Variants in GRID2 observed in about 807,000 individuals in gnomAD.
GRID2 encodes glutamate receptor ionotropic, delta-2.
Under a neutral mutation model 114.8 loss-of-function variants are expected in GRID2, and 33 were observed. The observed-to-expected ratio is 0.29, with a 90% CI of 0.22 to 0.38. The LOEUF is 0.38. Among genes scored for constraint, GRID2 ranks in the 10% least tolerant of loss-of-function variants. The probability of loss-of-function intolerance (pLI) is 1.00; values close to 1 mark genes in which losing one functional copy is unlikely to be tolerated. For missense variants in GRID2, 1,184 were observed against 1,257.7 expected (o/e 0.94, Z 0.89); for synonymous variants, 505 against 449.9 (o/e 1.12, Z -1.55).
intron 2 of GRID2, among the ~76,000 whole-genome samples, chr4:92,644,554 G>T (rs1053468177): frequency 6.6e-6 from 1 of 151,750 alleles, no homozygotes; most frequent in African/African-American, 2.4e-5. Context: ...TAATCGTTCA[G>T]CTTTTTGTCT....
intron 1 of GRID2, among the ~76,000 whole-genome samples, chr4:92,466,350 T>G (rs1721751160): frequency 6.6e-6 from 1 of 151,848 alleles, no homozygotes; most frequent in South Asian, 2.1e-4. Flanking sequence ...TTAAAACTAT[T>G]TTTCTTTTTC....
chr4:93,364,252 CAT>C (rs902759613), intron 8 of GRID2, among the ~76,000 whole-genome samples: 19 of 152,064 alleles, frequency 1.2e-4, no homozygotes, highest in South Asian at 6.2e-4. Context: ...TGCTTAGACA[CAT>C]GTGGAAAAAT....
At chr4:93,703,106 A>C (rs1276472978) in intron 14 of GRID2, among the ~76,000 whole-genome samples, 7 of 152,138 alleles carry the variant, frequency 4.6e-5, no homozygotes, top group Non-Finnish European at 8.8e-5. Context: ...AATTTGTCTC[A>C]TTAGGATTTT....
At chr4:92,498,890 C>G (rs1479132658) in intron 1 of GRID2, among the ~76,000 whole-genome samples, 4 of 146,228 alleles carry the variant, frequency 2.7e-5, no homozygotes, top group Non-Finnish European at 6.0e-5. Context: ...TATGAGTATG[C>G]CAAATCATGT....
chr4:93,557,199 C>T (rs1000622352), intron 13 of GRID2, among the ~76,000 whole-genome samples: 3 of 152,106 alleles, frequency 2.0e-5, no homozygotes, highest in African/African-American at 7.2e-5. Context: ...GGCAAAGTAA[C>T]CAGCTAGCAT....
intron 2 of GRID2, among the ~76,000 whole-genome samples, chr4:92,648,202 T>C (rs905248190): frequency 4.0e-5 from 6 of 149,962 alleles, no homozygotes; most frequent in Non-Finnish European, 8.9e-5. Context: ...TCAGTCCCTT[T>C]ATCTTAAAGA....
At chr4:93,449,322 CCTGAAGTGATACGTGAATTACTACAAG>C (rs1431570313) in intron 10 of GRID2, among the ~76,000 whole-genome samples, 2 of 151,880 alleles carry the variant, frequency 1.3e-5, no homozygotes, top group Non-Finnish European at 2.9e-5. Context: ...GAAAGCATTT[CCTGAAGTGATACGTGAATTACTACAAG>C]CAATATGTAC....
intron 14 of GRID2, among the ~76,000 whole-genome samples, chr4:93,720,751 A>G (rs1325673809): frequency 2.0e-5 from 3 of 152,200 alleles, no homozygotes; most frequent in Non-Finnish European, 4.4e-5. Flanking sequence ...TTTAATCACT[A>G]CATAGTAATC....
intron 2 of GRID2, among the ~76,000 whole-genome samples, chr4:92,853,380 C>A (rs1047335255): frequency 3.0e-4 from 45 of 152,002 alleles, no homozygotes; most frequent in African/African-American, 9.9e-4. Context: ...AGAGGTATTT[C>A]CTTTGTATGA....
At chr4:93,429,523 A>T (rs1418217505) in intron 10 of GRID2, among the ~76,000 whole-genome samples, 2 of 152,192 alleles carry the variant, frequency 1.3e-5, no homozygotes, top group Non-Finnish European at 2.9e-5. Context: ...ATTTAAAAAT[A>T]ATCTGTTCCT....
At chr4:92,410,278 G>A (rs748625949) in intron 1 of GRID2, among the ~76,000 whole-genome samples, 3 of 152,110 alleles carry the variant, frequency 2.0e-5, no homozygotes, top group East Asian at 1.9e-4. Context: ...GAGATGTTTC[G>A]TGTTACACTA....
chr4:93,631,411 C>T lies in GRID2; in HGVS notation c.2360+4976C>T, dbSNP rs181274998. Among the ~76,000 whole-genome samples, 15 of 152,172 alleles carry T rather than the reference C, an allele frequency of 9.9e-5. No homozygotes were observed. In the East Asian group the frequency reaches 1.5e-3, roughly 16 times the overall value. ...ACCTGGTGTGTGATGCTCCCCTTCC[C>T]GTGTCCAAGTGTTCTCATTGTTCAA... On this transcript the variant is annotated intron_variant, in intron 14 of 15. Coordinates refer to ENST00000282020, the MANE Select transcript of GRID2 (RefSeq NM_001510.4).
intron 13 of GRID2, among the ~76,000 whole-genome samples, chr4:93,523,274 C>G (rs141064056): frequency 6.6e-6 from 1 of 152,160 alleles, no homozygotes; most frequent in East Asian, 1.9e-4. Context: ...TTTCAAAAAA[C>G]AAATGGAGGT....
At chr4:92,972,757 C>T (rs994688507) in intron 2 of GRID2, among the ~76,000 whole-genome samples, 6 of 152,000 alleles carry the variant, frequency 3.9e-5, no homozygotes, top group Admixed American at 3.3e-4. Flanking sequence ...TCCCTCCTCC[C>T]ACCTTCCACC....
intron 10 of GRID2, among the ~76,000 whole-genome samples, chr4:93,449,516 G>A (rs1349773369): frequency 6.6e-6 from 1 of 152,038 alleles, no homozygotes; most frequent in African/African-American, 2.4e-5. Flanking sequence ...GATTAAAATA[G>A]CAGTTCATGT....
chr4:92,317,941 C>T (rs753598353), intron 1 of GRID2, among the ~76,000 whole-genome samples: 1 of 152,046 alleles, frequency 6.6e-6, no homozygotes, highest in Non-Finnish European at 1.5e-5. Flanking sequence ...AAATAAAATG[C>T]AATATAAATT....
Position 93,644,177 on chromosome 4 carries a change from A to G in GRID2, c.2360+17742A>G, listed in dbSNP as rs1032724943. On this transcript the variant is annotated intron_variant, in intron 14 of 15. Coordinates refer to ENST00000282020, the MANE Select transcript of GRID2 (RefSeq NM_001510.4). ...TGCCTCGCCCTGCTTCGGCTCGCGC[A>G]CGGTGCGCACACACACTGGCCTGCG... Among the ~76,000 whole-genome samples the G allele has an allele frequency of 2.3e-5, 2 of 88,506 alleles. 1 individual carries two copies. Among genetic ancestry groups the G allele is most frequent in the African/African-American group, 1.4e-4 (2 of 14,532 alleles). 58.1% of individuals were successfully genotyped at this position (88,506 alleles called of 152,430 possible).
intron 4 of GRID2, among the ~76,000 whole-genome samples, chr4:93,161,796 T>C (rs1737709353): frequency 6.6e-6 from 1 of 151,830 alleles, no homozygotes. Flanking sequence ...ATTTTTGCAG[T>C]GTAAATTGTG....
chr4:92,698,078 G>A (rs1734504075), intron 2 of GRID2, among the ~76,000 whole-genome samples: 2 of 152,134 alleles, frequency 1.3e-5, no homozygotes, highest in Admixed American at 1.3e-4. Context: ...TCAGCTTCCT[G>A]AAGTTGGAGC....
Sources: gnomAD v4.1 joint callset for allele counts (sites outside exome capture counted in the v4.1 genomes callset) on GRCh38, gnomAD v4.1.1 for gene constraint, MANE v1.5 for transcripts, NCBI Gene and HGNC (gene_info 2026-07-23, HGNC 2026-07-21) for gene names.